PCDHGA2: variants seen among roughly 807,000 people sequenced by gnomAD.
PCDHGA2 encodes protocadherin gamma-A2.
A neutral mutation model predicts 59.2 loss-of-function variants in PCDHGA2; 40 were observed. That is an observed-to-expected ratio of 0.68 (90% confidence interval 0.52 to 0.88). The LOEUF is 0.88. Ranked by LOEUF, PCDHGA2 falls within the 40% of genes least tolerant of loss-of-function variation. The probability of loss-of-function intolerance (pLI) is 0.00; values close to 1 mark genes in which losing one functional copy is unlikely to be tolerated. For synonymous variants in PCDHGA2, 560 were observed against 526.0 expected, an observed-to-expected ratio of 1.06 and a Z score of -0.89; for missense variants, 1,226 against 1,204.0, an observed-to-expected ratio of 1.02 and a Z score of -0.27.
chr5:141,418,821 C>G (rs750200042), intron 1 of PCDHGA2: 1 of 1,613,846 alleles, frequency 6.2e-7, no homozygotes, highest in Non-Finnish European at 8.5e-7. Flanking sequence ...AACATAGAAG[C>G]AAAAGACCGA....
At chr5:141,388,529 G>A in intron 1 of PCDHGA2, 1 of 1,613,814 alleles carries the variant, frequency 6.2e-7, no homozygotes, top group South Asian at 1.1e-5. Context: ...TGACTGCCTT[G>A]GACTTTGGAG....
At position 141,432,009 on chromosome 5, in the gene PCDHGA2, G is replaced by T. The variant is rs1227754190; in HGVS notation, c.2425-62798G>T. ...GTCTTGGATAGGGAACAGGTTCCTAGCTACAACATCACAGTGACCGCCACT... is the reference window on the plus strand; with the variant it reads ...GTCTTGGATAGGGAACAGGTTCCTATCTACAACATCACAGTGACCGCCACT... On this transcript the variant is annotated intron_variant, in intron 1 of 3. Transcript: ENST00000394576. The surrounding 1 kb of genome is among the most constrained non-coding windows in gnomAD (Gnocchi z 6.0). 1 of 1,614,070 alleles carries T rather than the reference G, an allele frequency of 6.2e-7. No homozygotes were observed. The highest frequency in any genetic ancestry group is 8.5e-7 in the Non-Finnish European group (1 of 1,180,032).
chr5:141,503,547 C>T (rs545918096), intron 2 of PCDHGA2, among the ~76,000 whole-genome samples: 22 of 147,734 alleles, frequency 1.5e-4, no homozygotes, highest in African/African-American at 4.8e-4. Flanking sequence ...TGCAGTGAGC[C>T]GAGATCGCGC....
chr5:141,358,747 C>T (rs767586792), intron 1 of PCDHGA2, among the ~76,000 whole-genome samples: 41 of 152,120 alleles, frequency 2.7e-4, no homozygotes, highest in Non-Finnish European at 3.4e-4. Flanking sequence ...AGTCTTTTCT[C>T]TTGTCATCAT....
chr5:141,506,666 C>A (rs894880559), intron 3 of PCDHGA2, among the ~76,000 whole-genome samples: 2 of 152,120 alleles, frequency 1.3e-5, no homozygotes, highest in South Asian at 4.1e-4. Context: ...AGAGTAAGGG[C>A]ACAATATATT....
chr5:141,452,884 A>C (rs746547069), intron 1 of PCDHGA2, among the ~76,000 whole-genome samples: 1 of 152,204 alleles, frequency 6.6e-6, no homozygotes, highest in Non-Finnish European at 1.5e-5. Flanking sequence ...GTAATAATTT[A>C]TTCCACTTTT....
rs767396941 is a variant in PCDHGA2 at position 141,357,397 on chromosome 5, G to T, written c.2424+16002G>T. The stretch of plus-strand genomic sequence containing the variant: ...GCTTCACGCTGAAGGCAGCAGGTTG[G>T]CAGGTGTGCCTGCCTCGCACTTTGT... On this transcript the variant is annotated intron_variant, in intron 1 of 3. Transcript: ENST00000394576. 8.7e-6 allele frequency: 14 copies of T among 1,614,242 alleles called. No homozygotes were observed. In the Admixed American group the frequency reaches 2.3e-4, roughly 27 times the overall value.
At chr5:141,467,597 A>T (rs2099147099) in intron 1 of PCDHGA2, among the ~76,000 whole-genome samples, 1 of 152,136 alleles carries the variant, frequency 6.6e-6, no homozygotes, top group Non-Finnish European at 1.5e-5. Flanking sequence ...TTTATTAAGC[A>T]CTTCATCTTT....
intron 1 of PCDHGA2, chr5:141,398,831 C>T: frequency 6.2e-7 from 1 of 1,614,014 alleles, no homozygotes; most frequent in South Asian, 1.1e-5. Context: ...GTAACCGACG[C>T]CAATGATAAT....
chr5:141,410,682 C>T (rs1589771736), intron 1 of PCDHGA2: 2 of 1,531,954 alleles, frequency 1.3e-6, no homozygotes, highest in South Asian at 1.2e-5. Context: ...ATATTTTAGG[C>T]ATACTACTTT....
At chr5:141,508,642 T>A (rs893357826) in intron 3 of PCDHGA2, among the ~76,000 whole-genome samples, 13 of 152,070 alleles carry the variant, frequency 8.5e-5, no homozygotes, top group Admixed American at 2.6e-4. Flanking sequence ...AGCTACTCCG[T>A]CAGGCCCTTC....
intron 1 of PCDHGA2, chr5:141,399,958 G>C: frequency 1.2e-6 from 2 of 1,612,122 alleles, no homozygotes; most frequent in Middle Eastern, 3.8e-4. Context: ...TAGCGAGCCC[G>C]GGCTCTTCAG....
intron 1 of PCDHGA2, chr5:141,355,039 C>A: frequency 9.6e-7 from 1 of 1,045,502 alleles, no homozygotes; most frequent in Non-Finnish European, 1.3e-6. Context: ...AAGATTTCTG[C>A]AGCACAAAGC....
rs1301800438 is a variant in PCDHGA2, at chr5:141,432,966, C to T, written c.2425-61841C>T. ...TCAGGAGGCGGCTTGACAGGAGCGC[C>T]GGCGTCGCACTTTGTGGGCGTGGAC... On this transcript the variant is annotated intron_variant, in intron 1 of 3. Coordinates refer to ENST00000394576, the MANE Select transcript of PCDHGA2 (RefSeq NM_018915.4). This position sits in a 1 kb window ranked among gnomAD's most constrained non-coding sequence, Gnocchi z 6.0. 1.2e-6 allele frequency: 2 copies of T among 1,614,066 alleles called. No homozygotes were observed. The highest frequency in any genetic ancestry group is 8.5e-7 in the Non-Finnish European group (1 of 1,180,052).
intron 1 of PCDHGA2, chr5:141,351,353 A>T: frequency 6.2e-7 from 1 of 1,613,362 alleles, no homozygotes; most frequent in South Asian, 1.1e-5. Context: ...AATAGCCCTC[A>T]TAAAAGTGCG....
intron 1 of PCDHGA2, chr5:141,372,557 C>A: frequency 6.2e-7 from 1 of 1,614,048 alleles, no homozygotes; most frequent in Non-Finnish European, 8.5e-7. Flanking sequence ...CCTCCAGACC[C>A]GCCACTGAGG....
At chr5:141,388,195 T>C in intron 1 of PCDHGA2, 1 of 1,563,830 alleles carries the variant, frequency 6.4e-7, no homozygotes, top group Non-Finnish European at 8.8e-7. Flanking sequence ...GCTTGTGCTC[T>C]GGAATTTGAG....
intron 1 of PCDHGA2, among the ~76,000 whole-genome samples, chr5:141,437,550 A>T (rs866913156): frequency 6.6e-6 from 1 of 152,192 alleles, no homozygotes; most frequent in African/African-American, 2.4e-5. Context: ...AGTTTTCTTT[A>T]TGACATGTAA....
intron 1 of PCDHGA2, chr5:141,360,206 T>G: frequency 6.2e-7 from 1 of 1,613,114 alleles, no homozygotes; most frequent in Admixed American, 1.7e-5. Context: ...CTGTTGTCTT[T>G]GTTCCCCGGG....
Sources: allele counts gnomAD v4.1 joint callset (sites outside exome capture counted in the v4.1 genomes callset), GRCh38; gene constraint gnomAD v4.1.1; non-coding constraint Gnocchi (gnomAD v3.1); transcripts MANE v1.5; gene names NCBI Gene and HGNC (gene_info 2026-07-23, HGNC 2026-07-21).